PITRM1: variants seen among roughly 807,000 people sequenced by gnomAD.
The protein encoded by PITRM1 is presequence protease, mitochondrial.
A neutral mutation model predicts 129.9 loss-of-function variants in PITRM1; 100 were observed. The observed-to-expected ratio is 0.77, with a 90% CI of 0.65 to 0.91. The LOEUF (loss-of-function observed/expected upper bound fraction) is 0.91, where lower values mean the gene tolerates loss of function less well. PITRM1 is among the 40% of genes least tolerant of loss of function. The pLI is 0.00. For synonymous variants in PITRM1, 591 were observed against 508.8 expected (o/e 1.16, Z -2.17); for missense variants, 1,471 against 1,318.3 (o/e 1.12, Z -1.79).
At chr10:3,154,022 C>A (rs1841754777) in intron 14 of PITRM1, among the ~76,000 whole-genome samples, 1 of 152,212 alleles carries the variant, frequency 6.6e-6, no homozygotes, top group Non-Finnish European at 1.5e-5. Context: ...CCCCAAAACT[C>A]TCCCATCCCC....
In PITRM1 at chr10:3,166,481, T is replaced by C. The variant is rs540102000; in HGVS notation, c.267-101A>G. ...CTCAGGCTACTAGAAATCATCATTC[T>C]GACACCACAATCCTCCAGCACAGGG... On this transcript the variant is annotated intron_variant, in intron 3 of 26. Transcript: ENST00000224949. 64 of 526,088 alleles carry C rather than the reference T, an allele frequency of 1.2e-4. No homozygotes were observed. The South Asian group carries it at 1.7e-3, about 14-fold the overall frequency. The allele number at this position is 526,088 out of a possible 1,614,324, so 32.6% of individuals were successfully genotyped here.
rs531953612 is a variant in PITRM1 at position 3,158,036 on chromosome 10, T to G, written c.1250+4A>C. 1.3e-6 allele frequency: 2 copies of G among 1,539,452 alleles called. No homozygotes were observed. The highest frequency in any genetic ancestry group is 2.2e-5 in the South Asian group (2 of 89,662). On this transcript the variant is annotated splice_donor_region_variant and intron_variant, in intron 11 of 26. Transcript: ENST00000224949. ...GCAGATTGTTACAAACAAGCTACAC[T>G]CACTCAACTACTTCATCAATCGTTC...
rs1843502081 is a variant in PITRM1, at chr10:3,172,711, T to C, written c.56+6A>G. 6.5e-7 allele frequency: 1 copy of C among 1,538,196 alleles called. No individual in the cohort carries two copies. The highest frequency in any genetic ancestry group is 1.4e-5 in the African/African-American group (1 of 72,204). On this transcript the variant is annotated splice_donor_region_variant and intron_variant, in intron 1 of 26. Transcript: ENST00000224949. ...GCGCCGAGCGCCTCCCGTCGCAGCGTCTCACCCGCCGCTCAGCCGCCTCAG... is the reference window on the plus strand; with the variant it reads ...GCGCCGAGCGCCTCCCGTCGCAGCGCCTCACCCGCCGCTCAGCCGCCTCAG...
At chr10:3,165,627 T>A in intron 4 of PITRM1, 100 bp from the exon 5 acceptor site, 1 of 746,240 alleles carries the variant, frequency 1.3e-6, no homozygotes, top group East Asian at 2.7e-5. Flanking sequence ...GACAGTAAGC[T>A]GTAGCTATTC....
In PITRM1 at chr10:3,165,292, G is replaced by A; in HGVS notation, c.576C>T (p.Pro192=). Residue 192 remains proline (P), a synonymous_variant, in exon 6 of 27, where the codon CCC becomes CCT. Coordinates refer to ENST00000224949, the MANE Select transcript of PITRM1 (RefSeq NM_014889.4). ...WRLEHENPSD[P]QTPLVFKGVV... ...CTCCTTTAAAGACCAAGGGCGTCTG[G>A]GGGTCGCTCGGATTCTCATGTTCCA... is the stretch of plus-strand genomic sequence containing the variant. 1 of 1,588,218 alleles carries A rather than the reference G, an allele frequency of 6.3e-7. No individual in the cohort carries two copies. The highest frequency in any genetic ancestry group is 1.7e-4 in the Middle Eastern group (1 of 6,038).
intron 23 of PITRM1, 171 bp downstream of exon 23, chr10:3,143,218 A>G (rs2131824698): frequency 1.7e-6 from 1 of 600,560 alleles, no homozygotes; most frequent in South Asian, 2.0e-5. Context: ...CTCTGTTCAC[A>G]AAGACTGCTG....
intron 6 of PITRM1, chr10:3,164,302 C>T: frequency 6.5e-6 from 1 of 153,686 alleles, no homozygotes; most frequent in Non-Finnish European, 1.4e-5. Flanking sequence ...AATAGTTCAC[C>T]AGCCGAGAGG....
intron 9 of PITRM1, 40 bp from the exon 10 acceptor site, chr10:3,159,082 G>C (rs749776557): frequency 1.3e-6 from 2 of 1,569,396 alleles, no homozygotes; most frequent in Non-Finnish European, 1.7e-6. Flanking sequence ...TAAGAAAAGA[G>C]TAAAGGGAAA....
At chr10:3,155,480 C>T (rs998477365) in intron 14 of PITRM1, 111 bp downstream of exon 14, 5 of 1,354,316 alleles carry the variant, frequency 3.7e-6, no homozygotes, top group East Asian at 2.3e-5. Context: ...TGGCGCCCAG[C>T]GGACACCTGT....
intron 7 of PITRM1, among the ~76,000 whole-genome samples, chr10:3,162,153 G>A (rs1312652012): frequency 1.4e-5 from 1 of 69,634 alleles, no homozygotes; most frequent in African/African-American, 5.4e-5. Context: ...ACCAGACCCT[G>A]TCTTTAAAAA....
intron 7 of PITRM1, among the ~76,000 whole-genome samples, chr10:3,160,613 C>T (rs1029767457): frequency 1.3e-5 from 2 of 152,106 alleles, no homozygotes; most frequent in African/African-American, 4.8e-5. Flanking sequence ...AACGTTCATT[C>T]ACAGGGCATG....
chr10:3,172,139 G>A (rs1413349192), intron 1 of PITRM1: 1 of 454,768 alleles, frequency 2.2e-6, no homozygotes, highest in Non-Finnish European at 4.4e-6. Context: ...TGCCACGGAC[G>A]CCCCGTGCCT....
intron 12 of PITRM1, 71 bp downstream of exon 12, chr10:3,157,364 G>C: frequency 1.1e-6 from 1 of 876,524 alleles, no homozygotes; most frequent in Non-Finnish European, 1.7e-6. Flanking sequence ...ATATCAAAAA[G>C]CCAGTTAAGC....
intron 13 of PITRM1, among the ~76,000 whole-genome samples, chr10:3,156,039 G>C: frequency 2.0e-5 from 3 of 152,230 alleles, no homozygotes; most frequent in Middle Eastern, 6.8e-3. Flanking sequence ...TTACATCTTA[G>C]TTGTAAAAAG....
chr10:3,160,110 A>G (rs1290490761), intron 8 of PITRM1, 94 bp downstream of exon 8: 2 of 1,395,836 alleles, frequency 1.4e-6, no homozygotes, highest in East Asian at 2.4e-5. Flanking sequence ...TGTACCAAAC[A>G]TGACAGCATC....
chr10:3,145,454 C>G (rs994393746), intron 21 of PITRM1, 142 bp downstream of exon 21: 2 of 689,992 alleles, frequency 2.9e-6, no homozygotes, highest in African/African-American at 3.6e-5. Flanking sequence ...CCTCCTGAAC[C>G]TCAGTTTCTT....
chr10:3,138,733 G>A lies in PITRM1; in HGVS notation c.2917+171C>T, dbSNP rs1293163473. On this transcript the variant is annotated intron_variant, in intron 25 of 26. Transcript: ENST00000224949. Reference sequence around the variant, plus strand: ...ACAAATGACAGGATGCACTCTTCTCGCCCGGATGTCAGGAAGCGTGTTTAG... The same window carrying A: ...ACAAATGACAGGATGCACTCTTCTCACCCGGATGTCAGGAAGCGTGTTTAG... 2.2e-5 allele frequency: 17 copies of A among 779,750 alleles called. 1 individual carries two copies. Among genetic ancestry groups the A allele is most frequent in the Middle Eastern group, 2.4e-4 (1 of 4,098 alleles). 48.3% of individuals were successfully genotyped at this position (779,750 alleles called of 1,614,324 possible).
In PITRM1 at chr10:3,143,913, G is replaced by A. The variant is rs56662739; in HGVS notation, c.2532+379C>T. On this transcript the variant is annotated intron_variant, in intron 22 of 26. Transcript: ENST00000224949. ...CCAAACCAAACAGCATCAGCACCAG[G>A]CTGAGTCGCGGAAAGGATCTGTCAG... is the stretch of plus-strand genomic sequence containing the variant. 6.2e-4 allele frequency: 318 copies of A among 514,486 alleles called. 2 individuals are homozygous for A. In the East Asian group the frequency reaches 0.011, roughly 18 times the overall value. The allele number at this position is 514,486 out of a possible 1,614,324, so 31.9% of individuals were successfully genotyped here. A position where few individuals can be genotyped will look rare whatever the true frequency, so the allele number is the denominator to read the frequency against.
chr10:3,149,827 T>G, intron 15 of PITRM1, 74 bp from the exon 16 acceptor site: 10 of 1,476,438 alleles, frequency 6.8e-6, no homozygotes, highest in Non-Finnish European at 9.4e-6. Context: ...TTAAAAACAA[T>G]GCTATTTATT....
Sources: allele counts gnomAD v4.1 joint callset (sites outside exome capture counted in the v4.1 genomes callset), GRCh38; gene constraint gnomAD v4.1.1; transcripts MANE v1.5; gene names NCBI Gene and HGNC (gene_info 2026-07-23, HGNC 2026-07-21).